NBEA: variants seen among roughly 807,000 people sequenced by gnomAD.
The protein encoded by NBEA is lysosomal-trafficking regulator 2.
In NBEA, 44 loss-of-function variants were observed where a neutral mutation model predicts 343.4. The observed-to-expected ratio is 0.13, with a 90% CI of 0.10 to 0.16. The LOEUF (loss-of-function observed/expected upper bound fraction) is 0.16. Ranked by LOEUF, NBEA falls within the 10% of genes least tolerant of loss-of-function variation. The pLI, the probability that NBEA is intolerant of heterozygous loss-of-function variation, is 1.00. For missense variants in NBEA, 2,555 were observed against 3,631.3 expected (o/e 0.70, Z 7.62); for synonymous variants, 1,175 against 1,238.7 (o/e 0.95, Z 1.08).
intron 17 of NBEA, among the ~76,000 whole-genome samples, chr13:35,131,793 T>C (rs1220598761): frequency 6.6e-6 from 1 of 152,206 alleles, no homozygotes; most frequent in Non-Finnish European, 1.5e-5. Flanking sequence ...AAAACAAGTC[T>C]CAGTAAATTT....
intron 10 of NBEA, among the ~76,000 whole-genome samples, chr13:35,087,957 G>A (rs1027093367): frequency 6.6e-6 from 1 of 151,880 alleles, no homozygotes; most frequent in African/African-American, 2.4e-5. Context: ...TTGGAGTAAA[G>A]GGGTTGGTAC....
chr13:35,133,166 A>G (rs1407598529), intron 17 of NBEA, among the ~76,000 whole-genome samples: 1 of 152,188 alleles, frequency 6.6e-6, no homozygotes, highest in Non-Finnish European at 1.5e-5. Flanking sequence ...CAAATAAATT[A>G]GAAAAAGAAA....
chr13:35,492,517 A>C (rs1032212410), intron 41 of NBEA, among the ~76,000 whole-genome samples: 2 of 151,928 alleles, frequency 1.3e-5, no homozygotes, highest in East Asian at 3.9e-4. Context: ...CTCTATCTCC[A>C]AGATCAGTAG....
At chr13:35,317,357 G>A (rs1594191793) in intron 36 of NBEA, among the ~76,000 whole-genome samples, 1 of 152,122 alleles carries the variant, frequency 6.6e-6, no homozygotes, top group Non-Finnish European at 1.5e-5. Flanking sequence ...TTATTAAATG[G>A]GGAATCCTTT....
At chr13:35,647,994 G>A (rs1225753902) in intron 51 of NBEA, among the ~76,000 whole-genome samples, 1 of 151,884 alleles carries the variant, frequency 6.6e-6, no homozygotes, top group Non-Finnish European at 1.5e-5. Flanking sequence ...TTCTTCCTCA[G>A]TCTTCCTAGT....
At chr13:35,495,574 C>T (rs979482442) in intron 41 of NBEA, among the ~76,000 whole-genome samples, 2 of 151,768 alleles carry the variant, frequency 1.3e-5, no homozygotes, top group African/African-American at 4.8e-5. Flanking sequence ...ATTTTTGCAC[C>T]ACTGTAAAGT....
At chr13:35,351,535 G>A (rs1049298772) in intron 37 of NBEA, among the ~76,000 whole-genome samples, 15 of 151,962 alleles carry the variant, frequency 9.9e-5, no homozygotes, top group African/African-American at 2.7e-4. Context: ...TAAGAATAAG[G>A]TAGTAGTTCT....
At chr13:35,536,811 G>A (rs145351842) in intron 41 of NBEA, among the ~76,000 whole-genome samples, 455 of 152,262 alleles carry the variant, frequency 3.0e-3, no homozygotes, top group Non-Finnish European at 5.0e-3. Context: ...TACGCTGATA[G>A]CAATGTGGCT....
chr13:35,000,393 A>G (rs2152523826), intron 1 of NBEA, among the ~76,000 whole-genome samples: 1 of 152,166 alleles, frequency 6.6e-6, no homozygotes, highest in Non-Finnish European at 1.5e-5. Context: ...TTCGGAGAAG[A>G]TAGATATGCT....
At chr13:35,553,233 C>A (rs999280723) in intron 43 of NBEA, among the ~76,000 whole-genome samples, 1 of 152,112 alleles carries the variant, frequency 6.6e-6, no homozygotes, top group Admixed American at 6.6e-5. Context: ...CAAAAGGCAG[C>A]TCAGTAGTTT....
At chr13:35,373,614 A>G (rs2041571676) in intron 38 of NBEA, among the ~76,000 whole-genome samples, 1 of 151,866 alleles carries the variant, frequency 6.6e-6, no homozygotes, top group Non-Finnish European at 1.5e-5. Flanking sequence ...CTGAGGTGGG[A>G]GGATCACTTG....
In NBEA at chr13:35,195,941, T is replaced by C. The variant is rs2072563553; in HGVS notation, c.5005T>C (p.Ser1669Pro). ...TPGEDIQVES[S>P]IPHTDSGIGE... Reference sequence around the variant, plus strand: ...TGGTGAAGATATTCAGGTAGAAAGTTCAATTCCCCATACAGATTCAGGAAT... The same window carrying C: ...TGGTGAAGATATTCAGGTAGAAAGTCCAATTCCCCATACAGATTCAGGAAT... Residue 1669 changes from serine to proline, a missense_variant, in exon 31 of 59, where the codon TCA (serine) becomes CCA (proline). This residue lies in a region of NBEA where 270 missense variants were observed against 293.3 expected (regional missense o/e 0.92). Coordinates refer to ENST00000379939, the MANE Select transcript of NBEA (RefSeq NM_001385012.1). 2.5e-6 allele frequency: 4 copies of C among 1,613,482 alleles called. No individual in the cohort carries two copies. Among genetic ancestry groups the C allele is most frequent in the Non-Finnish European group, 3.4e-6 (4 of 1,179,628 alleles).
chr13:35,279,849 A>G (rs1165676357), intron 34 of NBEA, among the ~76,000 whole-genome samples: 1 of 152,170 alleles, frequency 6.6e-6, no homozygotes, highest in Non-Finnish European at 1.5e-5. Flanking sequence ...TAAGCCACCA[A>G]GAACTAACTT....
intron 45 of NBEA, among the ~76,000 whole-genome samples, chr13:35,583,395 A>G (rs955942913): frequency 2.6e-5 from 4 of 152,202 alleles, no homozygotes; most frequent in Admixed American, 2.0e-4. Context: ...TGTTCCATCT[A>G]TATACTAACA....
intron 45 of NBEA, among the ~76,000 whole-genome samples, chr13:35,568,726 A>G (rs2080252496): frequency 6.6e-6 from 1 of 152,158 alleles, no homozygotes; most frequent in Non-Finnish European, 1.5e-5. Flanking sequence ...TATACTTACC[A>G]GTTGAGCATC....
intron 45 of NBEA, among the ~76,000 whole-genome samples, chr13:35,573,688 G>A (rs981278020): frequency 6.6e-6 from 1 of 152,128 alleles, no homozygotes; most frequent in East Asian, 1.9e-4. Context: ...AAATCCTATA[G>A]AGCCTGTTTT....
chr13:35,521,246 T>G (rs1271945346), intron 41 of NBEA, among the ~76,000 whole-genome samples: 1 of 152,164 alleles, frequency 6.6e-6, no homozygotes, highest in Non-Finnish European at 1.5e-5. Context: ...TACATCTGGT[T>G]ATTGTTCCCC....
At chr13:35,268,949 A>G (rs2033911976) in intron 34 of NBEA, among the ~76,000 whole-genome samples, 1 of 152,116 alleles carries the variant, frequency 6.6e-6, no homozygotes, top group Admixed American at 6.5e-5. Flanking sequence ...AGGTGAGATA[A>G]AGACTTTTTC....
chr13:35,208,175 G>A (rs1302508637), intron 31 of NBEA, among the ~76,000 whole-genome samples: 2 of 152,062 alleles, frequency 1.3e-5, no homozygotes, highest in African/African-American at 2.4e-5. Flanking sequence ...AGCCGAGATG[G>A]CACCACTGTG....
Sources: allele counts gnomAD v4.1 joint callset (sites outside exome capture counted in the v4.1 genomes callset), GRCh38; gene constraint gnomAD v4.1.1; regional missense constraint gnomAD v4.1.1; transcripts MANE v1.5; gene names NCBI Gene and HGNC (gene_info 2026-07-23, HGNC 2026-07-21).